The following LHFPL3 variants were observed in gnomAD, a reference collection of about 807,000 sequenced individuals.
The protein encoded by LHFPL3 is LHFPL tetraspan subfamily member 3, also known as LHFPL tetraspan subfamily member 3 protein.
LHFPL3 carries 5 observed loss-of-function variants against 19.3 expected under a neutral mutation model. The ratio of observed to expected loss-of-function variants is 0.26; its 90% CI spans 0.14 to 0.54. The LOEUF is 0.54. LHFPL3 is among the 20% of genes least tolerant of loss of function. The probability of loss-of-function intolerance (pLI) is 0.94; values close to 1 mark genes in which losing one functional copy is unlikely to be tolerated. For missense variants in LHFPL3, 249 were observed against 307.4 expected (o/e 0.81, Z 1.42); for synonymous variants, 133 against 126.2 (o/e 1.05, Z -0.36).
At chr7:104,697,198 T>A (rs571597409) in intron 1 of LHFPL3, among the ~76,000 whole-genome samples, 10 of 152,124 alleles carry the variant, frequency 6.6e-5, no homozygotes, top group Admixed American at 5.2e-4. Flanking sequence ...TACTATCACA[T>A]TGGGGGTTAA....
At chr7:104,811,436 A>T (rs1258967100) in intron 2 of LHFPL3, among the ~76,000 whole-genome samples, 1 of 152,056 alleles carries the variant, frequency 6.6e-6, no homozygotes, top group Non-Finnish European at 1.5e-5. Flanking sequence ...CCTGGGCTCA[A>T]ATTATCATCC....
chr7:104,710,668 G>A (rs1303848685), intron 1 of LHFPL3, among the ~76,000 whole-genome samples: 3 of 152,094 alleles, frequency 2.0e-5, no homozygotes, highest in Admixed American at 1.3e-4. Context: ...TAAAATGGGG[G>A]TAATAATAGT....
At chr7:104,411,867 A>G (rs1264919079) in intron 1 of LHFPL3, among the ~76,000 whole-genome samples, 1 of 152,242 alleles carries the variant, frequency 6.6e-6, no homozygotes, top group African/African-American at 2.4e-5. Context: ...TGCTAACTCC[A>G]GAAATGACAT....
intron 1 of LHFPL3, among the ~76,000 whole-genome samples, chr7:104,517,549 C>T (rs999803712): frequency 1.4e-5 from 2 of 146,740 alleles, no homozygotes; most frequent in African/African-American, 5.1e-5. Context: ...TCTTGTTGCC[C>T]AGGCTGGAGT....
chr7:104,552,521 G>C (rs1291350536), intron 1 of LHFPL3, among the ~76,000 whole-genome samples: 1 of 152,158 alleles, frequency 6.6e-6, no homozygotes, highest in African/African-American at 2.4e-5. Flanking sequence ...TTTCCTAGGG[G>C]TGGGGTAAAA....
At chr7:104,513,566 A>T (rs1793862822) in intron 1 of LHFPL3, among the ~76,000 whole-genome samples, 1 of 152,220 alleles carries the variant, frequency 6.6e-6, no homozygotes, top group Non-Finnish European at 1.5e-5. Flanking sequence ...AACATAGGGG[A>T]GATCCCCATT....
At chr7:104,539,943 G>C (rs1794454147) in intron 1 of LHFPL3, among the ~76,000 whole-genome samples, 1 of 152,106 alleles carries the variant, frequency 6.6e-6, no homozygotes, top group Admixed American at 6.6e-5. Context: ...GGATGGAGAG[G>C]GTTCCTGATG....
intron 1 of LHFPL3, among the ~76,000 whole-genome samples, chr7:104,466,387 G>T (rs1333012946): frequency 6.6e-6 from 1 of 152,126 alleles, no homozygotes; most frequent in Non-Finnish European, 1.5e-5. Flanking sequence ...CTGCATCTTT[G>T]CCCTTTCCCA....
At chr7:104,587,496 C>T (rs948814540) in intron 1 of LHFPL3, among the ~76,000 whole-genome samples, 3 of 152,200 alleles carry the variant, frequency 2.0e-5, no homozygotes, top group African/African-American at 7.2e-5. Flanking sequence ...ATATGTGCCA[C>T]ATTTTCTTAA....
At chr7:104,587,100 T>C (rs1300900786) in intron 1 of LHFPL3, among the ~76,000 whole-genome samples, 2 of 151,998 alleles carry the variant, frequency 1.3e-5, no homozygotes, top group East Asian at 3.9e-4. Context: ...GCCTGTTTTT[T>C]TATATTTTTA....
At chr7:104,659,742 C>T (rs1792189400) in intron 1 of LHFPL3, among the ~76,000 whole-genome samples, 1 of 152,156 alleles carries the variant, frequency 6.6e-6, no homozygotes, top group South Asian at 2.1e-4. Flanking sequence ...AGGTATTTCA[C>T]CTTCCTGATC....
chr7:104,703,715 G>C (rs141183037), intron 1 of LHFPL3, among the ~76,000 whole-genome samples: 14 of 152,146 alleles, frequency 9.2e-5, no homozygotes, highest in African/African-American at 3.1e-4. Context: ...TTTCATACTT[G>C]TTGTGATAAC....
At chr7:104,802,220 C>A (rs1451441269) in intron 2 of LHFPL3, among the ~76,000 whole-genome samples, 1 of 152,092 alleles carries the variant, frequency 6.6e-6, no homozygotes, top group African/African-American at 2.4e-5. Flanking sequence ...TTGGGCCAGG[C>A]ACACTGGCTC....
intron 1 of LHFPL3, among the ~76,000 whole-genome samples, chr7:104,551,632 G>A (rs1249918485): frequency 6.6e-6 from 1 of 152,100 alleles, no homozygotes; most frequent in African/African-American, 2.4e-5. Flanking sequence ...AATAGTTACA[G>A]TGCCAGTGAC....
rs189432605 is a variant in LHFPL3, at chr7:104,358,339, A to G, written c.445+29115A>G. ...TGTATTATTACTGTGTGTATAAAAA[A>G]TAATCAGATTTTTATTTGGTCTGAC... is the stretch of plus-strand genomic sequence containing the variant. On this transcript the variant is annotated intron_variant, in intron 1 of 2. Coordinates refer to ENST00000424859, the MANE Select transcript of LHFPL3 (RefSeq NM_199000.3). Among the ~76,000 whole-genome samples, 4 of 152,370 alleles carry G rather than the reference A, an allele frequency of 2.6e-5. No individual in the cohort carries two copies. In the East Asian group the frequency reaches 7.7e-4, roughly 29 times the overall value.
chr7:104,573,928 G>A (rs1205063427), intron 1 of LHFPL3, among the ~76,000 whole-genome samples: 1 of 152,150 alleles, frequency 6.6e-6, no homozygotes, highest in Non-Finnish European at 1.5e-5. Context: ...TGTCAGTGAG[G>A]ATGACATTCG....
intron 1 of LHFPL3, among the ~76,000 whole-genome samples, chr7:104,342,756 C>T (rs188390420): frequency 6.6e-6 from 1 of 152,316 alleles, no homozygotes; most frequent in East Asian, 1.9e-4. Context: ...TCATTAGCCC[C>T]AGTGCCCTGC....
intron 1 of LHFPL3, among the ~76,000 whole-genome samples, chr7:104,676,317 T>A (rs4580960): frequency 0.98 from 149,995 of 152,330 alleles, 73,883 homozygotes; most frequent in East Asian, 1. Flanking sequence ...TCTTTAACAG[T>A]AACACTAACA....
intron 1 of LHFPL3, among the ~76,000 whole-genome samples, chr7:104,554,003 A>C (rs775782083): frequency 1.3e-5 from 2 of 152,150 alleles, no homozygotes; most frequent in Non-Finnish European, 2.9e-5. Flanking sequence ...CAAGCACGTG[A>C]TACCCCAGAT....
Sources: allele counts gnomAD v4.1 joint callset (sites outside exome capture counted in the v4.1 genomes callset), GRCh38; gene constraint gnomAD v4.1.1; transcripts MANE v1.5; gene names NCBI Gene and HGNC (gene_info 2026-07-23, HGNC 2026-07-21).